SLIT1: variants seen among roughly 807,000 people sequenced by gnomAD.
SLIT1 encodes slit guidance ligand 1, also known as slit homolog 1 protein.
SLIT1 carries 66 observed loss-of-function variants against 186.1 expected under a neutral mutation model. The ratio of observed to expected loss-of-function variants is 0.35; its 90% CI spans 0.29 to 0.44. The LOEUF is 0.44. Ranked by LOEUF, SLIT1 falls within the 20% of genes least tolerant of loss-of-function variation. The pLI, the probability that SLIT1 is intolerant of heterozygous loss-of-function variation, is 1.00. For missense variants in SLIT1, 1,638 were observed against 2,037.4 expected (o/e 0.80, Z 3.77); for synonymous variants, 761 against 833.8 (o/e 0.91, Z 1.50).
intron 4 of SLIT1, among the ~76,000 whole-genome samples, chr10:97,120,564 G>A (rs181388845): frequency 2.6e-5 from 4 of 152,304 alleles, no homozygotes; most frequent in Admixed American, 2.6e-4. Flanking sequence ...CCGTGTGCAC[G>A]GGCGGCTCTG....
intron 3 of SLIT1, 133 bp downstream of exon 3, chr10:97,163,247 T>A (rs1388427716): frequency 2.7e-6 from 2 of 736,410 alleles, no homozygotes; most frequent in Non-Finnish European, 4.7e-6. Context: ...CCTGGCTCCA[T>A]CCGCTGGTGG....
intron 30 of SLIT1, among the ~76,000 whole-genome samples, chr10:97,012,963 G>A (rs1195396490): frequency 1.3e-5 from 2 of 152,204 alleles, no homozygotes; most frequent in African/African-American, 2.4e-5. Context: ...TTAAAACTGC[G>A]TAACCTTCAT....
intron 13 of SLIT1, among the ~76,000 whole-genome samples, chr10:97,049,680 T>A (rs1334209913): frequency 2.0e-5 from 3 of 152,178 alleles, no homozygotes; most frequent in Non-Finnish European, 4.4e-5. Context: ...CTGGAGTCCC[T>A]GGGCTTCACA....
intron 4 of SLIT1, among the ~76,000 whole-genome samples, chr10:97,095,910 G>C (rs1849283889): frequency 6.6e-6 from 1 of 152,166 alleles, no homozygotes; most frequent in Admixed American, 6.6e-5. Context: ...GTTCAGATGG[G>C]CAGGTCTGGG....
At position 97,006,838 on chromosome 10, in the gene SLIT1, G is replaced by T. The variant is rs531075481; in HGVS notation, c.3342-118C>A. 9.0e-5 allele frequency: 63 copies of T among 699,462 alleles called. No homozygotes were observed. The South Asian group carries it at 1.1e-3, about 13-fold the overall frequency. 43.3% of individuals were successfully genotyped at this position (699,462 alleles called of 1,614,324 possible). ...GGGAAAATGGATTCTTAAAGCGACA[G>T]AAGATGCTCCTAATAAACACTTTTC... is the stretch of plus-strand genomic sequence containing the variant. On this transcript the variant is annotated intron_variant, in intron 31 of 36. Coordinates refer to ENST00000266058, the MANE Select transcript of SLIT1 (RefSeq NM_003061.3). This position sits in a 1 kb window ranked among gnomAD's most constrained non-coding sequence, Gnocchi z 4.0.
chr10:97,151,867 T>C (rs914311296), intron 4 of SLIT1, among the ~76,000 whole-genome samples: 13 of 152,092 alleles, frequency 8.5e-5, no homozygotes, highest in African/African-American at 3.1e-4. Flanking sequence ...CCTGAGACCT[T>C]TCATGAGGCC....
In SLIT1 at chr10:97,021,253, G is replaced by A. The variant is rs1222181541; in HGVS notation, c.2743C>T (p.Gln915Ter). ...GAGGCTGTGCTCCTAGGCTCACCTT[G>A]GCATTCAAACTTCTTGGCAGGCGTG... ...LTTPAKKFEC[Q>*]GPPTLAVQAK... Residue 915 changes from glutamine (Q) to a stop codon, truncating the protein, a stop_gained, in exon 26 of 37, where the codon CAA becomes TAA. Coordinates refer to ENST00000266058, the MANE Select transcript of SLIT1 (RefSeq NM_003061.3). LOFTEE classifies it high-confidence loss of function. This position sits in a 1 kb window ranked among gnomAD's most constrained non-coding sequence, Gnocchi z 4.5. 6.2e-7 allele frequency: 1 copy of A among 1,613,732 alleles called. No homozygotes were observed. The highest frequency in any genetic ancestry group is 2.2e-5 in the East Asian group (1 of 44,884).
intron 4 of SLIT1, among the ~76,000 whole-genome samples, chr10:97,105,800 C>G (rs1220101382): frequency 6.6e-6 from 1 of 152,168 alleles, no homozygotes; most frequent in Non-Finnish European, 1.5e-5. Context: ...ACATTTCAAG[C>G]CATTTCACCA....
intron 3 of SLIT1, among the ~76,000 whole-genome samples, chr10:97,159,048 T>A (rs2134721521): frequency 6.6e-6 from 1 of 152,310 alleles, no homozygotes; most frequent in South Asian, 2.1e-4. Flanking sequence ...TAGCTGGGCA[T>A]GGTAGTCCAG....
At chr10:97,088,973 C>G (rs1277682979) in intron 4 of SLIT1, among the ~76,000 whole-genome samples, 1 of 152,180 alleles carries the variant, frequency 6.6e-6, no homozygotes, top group Non-Finnish European at 1.5e-5. Context: ...AGTGGCCAAA[C>G]AGAAGCCAGA....
In SLIT1 at chr10:97,001,333, C is replaced by G; in HGVS notation, c.4384G>C (p.Asp1462His). The change falls in exon 37 of 37, where the codon GAC becomes CAC. Residue 1462 changes from aspartate to histidine, a missense_variant. Around this residue, in one of 3 missense-constraint regions of SLIT1, gnomAD observed 220 missense variants for 211.3 expected, o/e 1.04. Coordinates refer to ENST00000266058, the MANE Select transcript of SLIT1 (RefSeq NM_003061.3). The part of the protein sequence containing the change: ...LCEQESECRG[D>H]PVRDFHQVQR... ...ACCTGGTGAAAGTCCCGGACAGGGT[C>G]CCCCCGGCACTCGGACTCTGGATGG... 3 of 1,611,552 alleles carry G rather than the reference C, an allele frequency of 1.9e-6. No homozygotes were observed. The highest frequency in any genetic ancestry group is 2.7e-5 in the African/African-American group (2 of 75,008).
chr10:97,093,745 C>A (rs193265916), intron 4 of SLIT1, among the ~76,000 whole-genome samples: 2 of 152,222 alleles, frequency 1.3e-5, no homozygotes, highest in Admixed American at 6.5e-5. Context: ...CCAATTCCAG[C>A]GGGCACAGAA....
chr10:97,082,238 G>T (rs1849112156), intron 4 of SLIT1, among the ~76,000 whole-genome samples: 1 of 152,292 alleles, frequency 6.6e-6, no homozygotes, highest in East Asian at 1.9e-4. Context: ...CACAAAAACT[G>T]TTCACTTTAC....
At chr10:97,018,817 C>CTTCATTCATTCATTCA (rs3837348) in intron 27 of SLIT1, 134 bp from the exon 28 acceptor site, 4 of 646,364 alleles carry the variant, frequency 6.2e-6, no homozygotes, top group Admixed American at 2.7e-5. Flanking sequence ...CATTCGTCCA[C>CTTCATTCATTCATTCA]TTCATTCATT....
At chr10:97,174,706 T>C (rs1025933025) in intron 1 of SLIT1, among the ~76,000 whole-genome samples, 7 of 152,174 alleles carry the variant, frequency 4.6e-5, no homozygotes, top group African/African-American at 1.7e-4. Context: ...CTCGCAGTAG[T>C]ACCTGGCTCA....
chr10:97,083,747 C>G (rs1444059349), intron 4 of SLIT1, among the ~76,000 whole-genome samples: 2 of 152,170 alleles, frequency 1.3e-5, no homozygotes, highest in African/African-American at 4.8e-5. Context: ...AACTGTCACT[C>G]CTTCCAAACC....
rs1450717076 is a variant in SLIT1 at position 97,043,209 on chromosome 10, G to A, written c.1998-142C>T. The A allele has an allele frequency of 1.2e-5, 16 of 1,309,740 alleles. No homozygotes were observed. Among genetic ancestry groups the A allele is most frequent in the Non-Finnish European group, 1.6e-5 (15 of 934,420 alleles). 81.1% of individuals were successfully genotyped at this position (1,309,740 alleles called of 1,614,324 possible). Reference sequence around the variant, plus strand: ...CCACCACCCATCACCAAGAGGACCGGCTCTGAGGACCGGAGGGAGACTTCG... The same window carrying A: ...CCACCACCCATCACCAAGAGGACCGACTCTGAGGACCGGAGGGAGACTTCG... On this transcript the variant is annotated intron_variant, in intron 19 of 36. Coordinates refer to ENST00000266058, the MANE Select transcript of SLIT1 (RefSeq NM_003061.3). The surrounding 1 kb of genome is among the most constrained non-coding windows in gnomAD (Gnocchi z 7.0).
rs1848929812 is a variant in SLIT1, at chr10:97,064,927, G to A, written c.486-51C>T. On this transcript the variant is annotated intron_variant, in intron 5 of 36. Coordinates refer to ENST00000266058, the MANE Select transcript of SLIT1 (RefSeq NM_003061.3). The stretch of plus-strand genomic sequence containing the variant: ...GAGAAGGGCACATTGCCTAGAGTAA[G>A]GGTGTCCAAACATTCTGACCGCGTG... The A allele has an allele frequency of 2.0e-6, 3 of 1,467,254 alleles. No homozygotes were observed. The South Asian group carries it at 3.6e-5, about 18-fold the overall frequency. The allele number at this position is 1,467,254 out of a possible 1,614,324, so 90.9% of individuals were successfully genotyped here.
At chr10:97,050,155 G>GA (rs199870066) in intron 13 of SLIT1, among the ~76,000 whole-genome samples, 9 of 150,806 alleles carry the variant, frequency 6.0e-5, no homozygotes, top group African/African-American at 1.5e-4. Flanking sequence ...TCTCGAAAAG[G>GA]AAAAAAAAAG....
Sources: allele counts gnomAD v4.1 joint callset (sites outside exome capture counted in the v4.1 genomes callset), GRCh38; gene constraint gnomAD v4.1.1; regional missense constraint gnomAD v4.1.1; non-coding constraint Gnocchi (gnomAD v3.1); transcripts MANE v1.5; gene names NCBI Gene and HGNC (gene_info 2026-07-23, HGNC 2026-07-21).